The following PHACTR3 variants were observed in gnomAD, a reference collection of about 807,000 sequenced individuals.
The protein encoded by PHACTR3 is phosphatase and actin regulator 3.
Under a neutral mutation model 66.8 loss-of-function variants are expected in PHACTR3, and 16 were observed. The ratio of observed to expected loss-of-function variants is 0.24; its 90% confidence interval spans 0.16 to 0.36. The LOEUF is 0.36. Among genes scored for constraint, PHACTR3 ranks in the 10% least tolerant of loss-of-function variants. The pLI is 1.00. For synonymous variants in PHACTR3, 323 were observed against 292.1 expected, an observed-to-expected ratio of 1.11 and a Z score of -1.08; for missense variants, 647 against 719.9, an observed-to-expected ratio of 0.90 and a Z score of 1.16.
At chr20:59,843,403 C>T (rs1222056596) in intron 11 of PHACTR3, 1 of 151,990 alleles carries the variant, frequency 6.6e-6, no homozygotes, top group Non-Finnish European at 1.5e-5. Flanking sequence ...TAATCCTTAG[C>T]AAAAAGAACA....
At chr20:59,808,365 A>T (rs1211557873) in intron 8 of PHACTR3, among the ~76,000 whole-genome samples, 1 of 152,214 alleles carries the variant, frequency 6.6e-6, no homozygotes, top group East Asian at 1.9e-4. Flanking sequence ...ACCAGGCCAG[A>T]TGGCAGGCTA....
intron 1 of PHACTR3, among the ~76,000 whole-genome samples, chr20:59,674,936 C>A (rs1185090075): frequency 4.6e-5 from 2 of 43,620 alleles, no homozygotes; most frequent in Admixed American, 2.0e-4. Context: ...ACTGTCCCCC[C>A]ACTTCTCCTG....
At position 59,813,418 on chromosome 20, in the gene PHACTR3, C is replaced by T. The variant is rs147926766; in HGVS notation, c.1328+7224C>T. 9.8e-5 allele frequency among the ~76,000 whole-genome samples: 15 copies of T among 152,306 alleles called. No individual in the cohort carries two copies. The East Asian group carries it at 2.9e-3, about 29-fold the overall frequency. On this transcript the variant is annotated intron_variant, in intron 8 of 12. Coordinates refer to ENST00000371015, the MANE Select transcript of PHACTR3 (RefSeq NM_080672.5). ...AAATTACCTACAGGGGGAGGCTGCA[C>T]CTGCAGAACGGGCCCAGTTGATCCT...
rs146810775 is a variant in PHACTR3 at position 59,773,364 on chromosome 20, G to T, written c.837G>T (p.Pro279=). The change falls in exon 6 of 13, where the codon CCG becomes CCT. Residue 279 remains proline (P), a synonymous_variant. Coordinates refer to ENST00000371015, the MANE Select transcript of PHACTR3 (RefSeq NM_080672.5). The stretch of plus-strand genomic sequence containing the variant: ...AGCTCTCCACACCCACGGGGTCTCC[G>T]CATCTCACCACGGTCCACCGGCCTC... ...RGQLSTPTGS[P]HLTTVHRPLP... is the part of the protein sequence containing the mutation. 6.8e-6 allele frequency: 11 copies of T among 1,613,958 alleles called. No homozygotes were observed. Among genetic ancestry groups the T allele is most frequent in the South Asian group, 3.3e-5 (3 of 91,078 alleles).
At chr20:59,765,857 T>C (rs1017180408) in intron 4 of PHACTR3, among the ~76,000 whole-genome samples, 4 of 152,222 alleles carry the variant, frequency 2.6e-5, no homozygotes, top group Non-Finnish European at 5.9e-5. Flanking sequence ...CCAGCTCCAC[T>C]AGGCTTTTCC....
At chr20:59,804,577 G>T (rs754630191) in intron 7 of PHACTR3, among the ~76,000 whole-genome samples, 5 of 152,104 alleles carry the variant, frequency 3.3e-5, no homozygotes, top group Non-Finnish European at 5.9e-5. Context: ...CTCATAACAT[G>T]CAGTAAAGGC....
chr20:59,737,515 T>C lies in PHACTR3; in HGVS notation c.119-5592T>C, dbSNP rs532708675. Among the ~76,000 whole-genome samples, 3 of 127,342 alleles carry C rather than the reference T, an allele frequency of 2.4e-5. No individual in the cohort carries two copies. The South Asian group carries it at 7.4e-4, about 32-fold the overall frequency. The allele number at this position is 127,342 out of a possible 152,430, so 83.5% of individuals were successfully genotyped here. A position where few individuals can be genotyped will look rare whatever the true frequency, so the allele number is the denominator to read the frequency against. On this transcript the variant is annotated intron_variant, in intron 1 of 12. Transcript: ENST00000371015. ...GTGTGTGTGTGTCTGTGTGCGTGCA[T>C]GTGTGCGTGTATGTGTGTGCGTGCA... is the stretch of plus-strand genomic sequence containing the variant.
At chr20:59,813,400 C>T (rs2041794676) in intron 8 of PHACTR3, among the ~76,000 whole-genome samples, 1 of 152,186 alleles carries the variant, frequency 6.6e-6, no homozygotes, top group African/African-American at 2.4e-5. Context: ...TTGAAATTAC[C>T]TACAGGGGGA....
At chr20:59,713,695 G>A (rs2037985158) in intron 1 of PHACTR3, among the ~76,000 whole-genome samples, 1 of 149,790 alleles carries the variant, frequency 6.7e-6, no homozygotes. Flanking sequence ...GTATTTGGCT[G>A]TTATGAGTGA....
intron 7 of PHACTR3, among the ~76,000 whole-genome samples, chr20:59,783,121 C>A (rs1261937722): frequency 6.6e-6 from 1 of 152,220 alleles, no homozygotes; most frequent in African/African-American, 2.4e-5. Flanking sequence ...AGGACTCCCC[C>A]ACAGTCGTCT....
At chr20:59,629,843 C>A (rs907116976) in intron 1 of PHACTR3, among the ~76,000 whole-genome samples, 1 of 152,218 alleles carries the variant, frequency 6.6e-6, no homozygotes, top group African/African-American at 2.4e-5. Context: ...CGTCTTCCCA[C>A]TGACTGATGG....
chr20:59,610,548 T>C (rs1268743560), intron 1 of PHACTR3, among the ~76,000 whole-genome samples: 1 of 152,278 alleles, frequency 6.6e-6, no homozygotes, highest in Admixed American at 6.5e-5. Context: ...ACTAACTACA[T>C]GTGGCAATTT....
intron 4 of PHACTR3, among the ~76,000 whole-genome samples, chr20:59,764,312 G>A (rs1031154311): frequency 6.6e-6 from 1 of 151,168 alleles, no homozygotes; most frequent in Non-Finnish European, 1.5e-5. Context: ...ACTGACCCCA[G>A]GCTGCCCTTC....
intron 1 of PHACTR3, among the ~76,000 whole-genome samples, chr20:59,589,495 G>A (rs1339626892): frequency 2.6e-5 from 4 of 152,198 alleles, no homozygotes; most frequent in Non-Finnish European, 5.9e-5. Context: ...CTACCTATAA[G>A]CCTAGTGCTA....
chr20:59,755,808 T>C (rs1028889850), intron 4 of PHACTR3, among the ~76,000 whole-genome samples: 1 of 152,194 alleles, frequency 6.6e-6, no homozygotes, highest in African/African-American at 2.4e-5. Context: ...TAAGAGATGC[T>C]GAAGTCCCTG....
At chr20:59,801,324 T>G (rs2041408407) in intron 7 of PHACTR3, among the ~76,000 whole-genome samples, 1 of 152,216 alleles carries the variant, frequency 6.6e-6, no homozygotes, top group South Asian at 2.1e-4. Context: ...ATCACTGTCT[T>G]CTGTTGCTGA....
intron 1 of PHACTR3, among the ~76,000 whole-genome samples, chr20:59,620,762 T>C (rs2034201932): frequency 6.6e-6 from 1 of 152,142 alleles, no homozygotes; most frequent in Non-Finnish European, 1.5e-5. Context: ...CAGACATCGT[T>C]TCTCATCACA....
At position 59,767,173 on chromosome 20, in the gene PHACTR3, G is replaced by C. The variant is rs2040206386; in HGVS notation, c.542-13G>C. The C allele has an allele frequency of 6.2e-7, 1 of 1,613,944 alleles. No homozygotes were observed. ...AAACATGTTTTTAACTCTCTGCTTT[G>C]CCTTTGAACCAGCCAAGATGCCTTC... On this transcript the variant is annotated splice_polypyrimidine_tract_variant and intron_variant, in intron 4 of 12. Transcript: ENST00000371015.
intron 1 of PHACTR3, among the ~76,000 whole-genome samples, chr20:59,620,269 C>G (rs1368152117): frequency 6.6e-6 from 1 of 152,182 alleles, no homozygotes; most frequent in African/African-American, 2.4e-5. Context: ...CCTATATTCC[C>G]CAAATAACAT....
Sources: gnomAD v4.1 joint callset for allele counts (sites outside exome capture counted in the v4.1 genomes callset) on GRCh38, gnomAD v4.1.1 for gene constraint, MANE v1.5 for transcripts, NCBI Gene and HGNC (gene_info 2026-07-23, HGNC 2026-07-21) for gene names.